SDHA: variants seen among roughly 807,000 people sequenced by gnomAD.
SDHA encodes the protein succinate dehydrogenase [ubiquinone] flavoprotein subunit, mitochondrial.
A neutral mutation model predicts 78.4 loss-of-function variants in SDHA; 48 were observed. The observed-to-expected ratio is 0.61, with a 90% CI of 0.49 to 0.78. The LOEUF is 0.78. SDHA is among the 30% of genes least tolerant of loss of function. The pLI, the probability that SDHA is intolerant of heterozygous loss-of-function variation, is 0.00. For synonymous variants in SDHA, 326 were observed against 353.9 expected (o/e 0.92, Z 0.88); for missense variants, 680 against 892.7 (o/e 0.76, Z 3.04).
intron 9 of SDHA, 98 bp downstream of exon 9, chr5:235,437 T>C (rs1735718369): frequency 8.5e-7 from 1 of 1,181,276 alleles, no homozygotes; most frequent in Non-Finnish European, 1.3e-6. Context: ...AAAAGATAGA[T>C]GTTTCCTTCA....
chr5:245,771 A>G (rs947205683), intron 11 of SDHA, among the ~76,000 whole-genome samples: 4 of 152,244 alleles, frequency 2.6e-5, no homozygotes, highest in Non-Finnish European at 4.4e-5. Context: ...GAGACTTTCA[A>G]AAATTACTGG....
intron 11 of SDHA, 148 bp downstream of exon 11, chr5:240,624 G>A (rs1935724855): frequency 1.5e-6 from 1 of 688,180 alleles, no homozygotes; most frequent in Non-Finnish European, 2.7e-6. Context: ...GGCTTTTCAT[G>A]TACCCGTCAC....
chr5:222,411 A>G (rs1381147689), intron 1 of SDHA, among the ~76,000 whole-genome samples: 2 of 148,962 alleles, frequency 1.3e-5, no homozygotes, highest in Admixed American at 1.4e-4. Context: ...GCAGTGGCAC[A>G]GTCTAGGCTC....
At chr5:264,120 A>G in the SDHA span, among the ~76,000 whole-genome samples, 1 of 152,246 alleles carries the variant, frequency 6.6e-6, no homozygotes, top group African/African-American at 2.4e-5. Flanking sequence ...AAAACAGTAC[A>G]AAGATAAAAA....
chr5:251,142 T>C, intron 12 of SDHA, 39 bp downstream of exon 12: 1 of 1,585,080 alleles, frequency 6.3e-7, no homozygotes, highest in Non-Finnish European at 8.7e-7. Flanking sequence ...TGTTGGGCCC[T>C]TCCTTCTGCA....
intron 6 of SDHA, among the ~76,000 whole-genome samples, chr5:228,927 A>G (rs1735213111): frequency 1.3e-5 from 2 of 152,196 alleles, no homozygotes; most frequent in East Asian, 3.8e-4. Flanking sequence ...ACCCTACTAA[A>G]AAACAACCCT....
At chr5:245,735 G>T (rs1355221339) in intron 11 of SDHA, among the ~76,000 whole-genome samples, 2 of 152,204 alleles carry the variant, frequency 1.3e-5, no homozygotes, top group Non-Finnish European at 2.9e-5. Context: ...GTAGCCATAC[G>T]TAGGGATCAA....
At chr5:263,817 A>G in the SDHA span, among the ~76,000 whole-genome samples, 1 of 151,972 alleles carries the variant, frequency 6.6e-6, no homozygotes, top group Non-Finnish European at 1.5e-5. Context: ...TAACAAAAGT[A>G]TGTGGCATTT....
chr5:239,073 G>A (rs1331449148), intron 10 of SDHA, among the ~76,000 whole-genome samples: 4 of 150,584 alleles, frequency 2.7e-5, no homozygotes, highest in Admixed American at 2.0e-4. Flanking sequence ...AAACACCAGC[G>A]AGCCTAGAAG....
At chr5:236,242 C>G in intron 9 of SDHA, 186 bp from the exon 10 acceptor site, 1 of 665,624 alleles carries the variant, frequency 1.5e-6, no homozygotes, top group Non-Finnish European at 2.8e-6. Flanking sequence ...CCAGACAGGT[C>G]TTGAACCCCT....
chr5:225,717 A>C, intron 4 of SDHA, 155 bp downstream of exon 4: 1 of 1,331,140 alleles, frequency 7.5e-7, no homozygotes, highest in Non-Finnish European at 1.1e-6. Context: ...TGAACTATGC[A>C]TTATATGTAA....
intron 13 of SDHA, chr5:252,952 A>G (rs184841751): frequency 8.1e-4 from 123 of 152,752 alleles, no homozygotes; most frequent in Admixed American, 2.0e-3. Flanking sequence ...AGTTTATTAA[A>G]TAAGGAGTAA....
chr5:238,368 G>GA (rs1735911785), intron 10 of SDHA, among the ~76,000 whole-genome samples: 1 of 150,678 alleles, frequency 6.6e-6, no homozygotes, highest in East Asian at 1.9e-4. Flanking sequence ...GAAAAGGAAA[G>GA]AAAAAATGCT....
intron 6 of SDHA, among the ~76,000 whole-genome samples, chr5:229,960 C>T (rs1308565950): frequency 8.8e-6 from 1 of 113,798 alleles, no homozygotes; most frequent in Non-Finnish European, 1.8e-5. Context: ...TGGTGGCTAT[C>T]GTTAATATTA....
Position 233,530 on chromosome 5 carries a change from A to G in SDHA, c.949A>G (p.Ile317Val). 6.2e-7 allele frequency: 1 copy of G among 1,614,218 alleles called. No individual in the cohort carries two copies. Among genetic ancestry groups the G allele is most frequent in the Non-Finnish European group, 8.5e-7 (1 of 1,180,012 alleles). ...ITEGCRGEGG[I>V]LINSQGERFM... ...GGAAGGATGTCGTGGAGAGGGAGGC[A>G]TTCTCATTAACAGTCAAGGCGAAAG... Residue 317 changes from isoleucine (I) to valine (V), a missense_variant, in exon 8 of 15, where the codon ATT becomes GTT. By Grantham distance (29) the Ile-to-Val change is conservative. Transcript: ENST00000264932.
At chr5:267,267 G>C in the SDHA span, among the ~76,000 whole-genome samples, 7 of 152,326 alleles carry the variant, frequency 4.6e-5, no homozygotes, top group South Asian at 8.3e-4. Flanking sequence ...AGGACAGGAG[G>C]GGGTGCCAGG....
intron 1 of SDHA, among the ~76,000 whole-genome samples, chr5:219,781 C>G (rs1275572344): frequency 6.6e-6 from 1 of 152,194 alleles, no homozygotes; most frequent in Admixed American, 6.5e-5. Context: ...TGTCCTCAAC[C>G]CAGATGGTGC....
At chr5:238,213 C>A (rs748165048) in intron 10 of SDHA, among the ~76,000 whole-genome samples, 2 of 152,066 alleles carry the variant, frequency 1.3e-5, no homozygotes, top group Non-Finnish European at 2.9e-5. Flanking sequence ...CTAGGGAAGA[C>A]AAGGGATTGG....
chr5:265,743 C>T, the SDHA span, among the ~76,000 whole-genome samples: 2 of 151,876 alleles, frequency 1.3e-5, no homozygotes, highest in African/African-American at 4.8e-5. Context: ...TTGCTTGAAC[C>T]CGGGAGGCGG....
Sources: allele counts gnomAD v4.1 joint callset (sites outside exome capture counted in the v4.1 genomes callset), GRCh38; gene constraint gnomAD v4.1.1; transcripts MANE v1.5; gene names NCBI Gene and HGNC (gene_info 2026-07-23, HGNC 2026-07-21).